Variants in GUCY1A2 observed in about 807,000 individuals in gnomAD.
GUCY1A2 encodes guanylate cyclase 1 soluble subunit alpha 2, also known as guanylate cyclase soluble subunit alpha-2.
In GUCY1A2, 27 loss-of-function variants were observed where a neutral mutation model predicts 63.5. That is an observed-to-expected ratio of 0.43 (90% CI 0.31 to 0.59). The LOEUF is 0.59. Among genes scored for constraint, GUCY1A2 ranks in the 20% least tolerant of loss-of-function variants. The pLI, the probability that GUCY1A2 is intolerant of heterozygous loss-of-function variation, is 0.11. For missense variants in GUCY1A2, 768 were observed against 913.3 expected, an observed-to-expected ratio of 0.84 and a Z score of 2.05; for synonymous variants, 364 against 343.5, an observed-to-expected ratio of 1.06 and a Z score of -0.66.
intron 4 of GUCY1A2, among the ~76,000 whole-genome samples, chr11:106,882,072 C>A (rs1859831611): frequency 6.6e-6 from 1 of 151,640 alleles, no homozygotes; most frequent in African/African-American, 2.4e-5. Flanking sequence ...TTCTTTTCTT[C>A]TCCTTCCTTC....
At chr11:106,845,640 A>T (rs935006745) in intron 4 of GUCY1A2, among the ~76,000 whole-genome samples, 5 of 151,568 alleles carry the variant, frequency 3.3e-5, no homozygotes, top group African/African-American at 1.2e-4. Context: ...TATCTACCAG[A>T]TAGTTTTAAA....
At chr11:106,849,228 A>G (rs1859318838) in intron 4 of GUCY1A2, among the ~76,000 whole-genome samples, 1 of 151,558 alleles carries the variant, frequency 6.6e-6, no homozygotes, top group Non-Finnish European at 1.5e-5. Flanking sequence ...CTTATTAATT[A>G]GCTCATATAT....
chr11:106,844,745 A>C (rs770057899), intron 4 of GUCY1A2, among the ~76,000 whole-genome samples: 1 of 151,710 alleles, frequency 6.6e-6, no homozygotes, highest in African/African-American at 2.4e-5. Flanking sequence ...GTTTTGTTTA[A>C]TATCTTGCCA....
chr11:106,707,145 G>A lies in GUCY1A2; in HGVS notation c.1991+1367C>T, dbSNP rs567183959. ...GGTATCCACTACTTTAATGAGCTTA[G>A]CAAGAGCTTTAAAATGTATTTTTAA... On this transcript the variant is annotated intron_variant, in intron 7 of 7. Transcript: ENST00000526355. 3.7e-4 allele frequency among the ~76,000 whole-genome samples: 57 copies of A among 152,082 alleles called. No individual in the cohort carries two copies. In the East Asian group the frequency reaches 0.011, roughly 29 times the overall value.
At chr11:106,775,700 G>A (rs900504894) in intron 6 of GUCY1A2, among the ~76,000 whole-genome samples, 9 of 12,842 alleles carry the variant, frequency 7.0e-4, no homozygotes, top group East Asian at 4.6e-3. Flanking sequence ...CCGCCCCCCC[G>A]CCCCCGTGTT....
intron 4 of GUCY1A2, among the ~76,000 whole-genome samples, chr11:106,934,099 T>C (rs1350657503): frequency 3.3e-5 from 5 of 152,134 alleles, no homozygotes; most frequent in African/African-American, 7.2e-5. Context: ...TAGATGAAGT[T>C]CAAATTATTA....
chr11:106,707,141 C>T (rs909036912), intron 7 of GUCY1A2, among the ~76,000 whole-genome samples: 2 of 152,072 alleles, frequency 1.3e-5, no homozygotes, highest in African/African-American at 2.4e-5. Context: ...CTTTAATGAG[C>T]TTAGCAAGAG....
intron 6 of GUCY1A2, among the ~76,000 whole-genome samples, chr11:106,733,540 T>C (rs928502430): frequency 6.6e-6 from 1 of 152,170 alleles, no homozygotes; most frequent in African/African-American, 2.4e-5. Context: ...ATAAAGTAAT[T>C]ACTTTTTATT....
intron 7 of GUCY1A2, among the ~76,000 whole-genome samples, chr11:106,696,605 ATAGT>A (rs1418292369): frequency 2.6e-5 from 4 of 152,194 alleles, no homozygotes; most frequent in South Asian, 2.1e-4. Flanking sequence ...CCAATCAGAA[ATAGT>A]TAGCCTAAAT....
At position 106,831,688 on chromosome 11, in the gene GUCY1A2, C is replaced by T. The variant is rs538592300; in HGVS notation, c.1207-21210G>A. 2.1e-4 allele frequency among the ~76,000 whole-genome samples: 32 copies of T among 152,324 alleles called. No homozygotes were observed. The East Asian group carries it at 5.8e-3, about 28-fold the overall frequency. On this transcript the variant is annotated intron_variant, in intron 4 of 7. Transcript: ENST00000526355. ...AATCACAAGATAGGAGACTGGATTC[C>T]ACAGTCTCTCTCGCAGCAGGGCTGC... is the stretch of plus-strand genomic sequence containing the variant.
chr11:106,803,804 G>A lies in GUCY1A2; in HGVS notation c.1692+6189C>T, dbSNP rs960095964. On this transcript the variant is annotated intron_variant, in intron 5 of 7. Coordinates refer to ENST00000526355, the MANE Select transcript of GUCY1A2 (RefSeq NM_000855.3). ...ACTAGTGCACTCAAGATAGCACTGG[G>A]ATTCCACAGCCTTGTCTGAATGGAT... Among the ~76,000 whole-genome samples the A allele has an allele frequency of 9.2e-5, 14 of 152,210 alleles. No individual in the cohort carries two copies. In the East Asian group the frequency reaches 2.7e-3, roughly 29 times the overall value.
At chr11:106,997,393 A>G (rs1279909873) in intron 1 of GUCY1A2, among the ~76,000 whole-genome samples, 1 of 152,150 alleles carries the variant, frequency 6.6e-6, no homozygotes, top group African/African-American at 2.4e-5. Context: ...AGAAGCCCAG[A>G]GCATACAAAC....
chr11:106,880,407 T>C (rs1859807845), intron 4 of GUCY1A2, among the ~76,000 whole-genome samples: 1 of 151,940 alleles, frequency 6.6e-6, no homozygotes, highest in Non-Finnish European at 1.5e-5. Context: ...GTAGTGGTTC[T>C]CCTGTCCAGC....
intron 7 of GUCY1A2, among the ~76,000 whole-genome samples, chr11:106,689,918 C>T (rs938714383): frequency 2.7e-5 from 4 of 150,828 alleles, no homozygotes; most frequent in African/African-American, 4.9e-5. Flanking sequence ...TCACTTGAAC[C>T]GGGAGGTGGA....
chr11:106,834,493 C>T (rs1859091725), intron 4 of GUCY1A2, among the ~76,000 whole-genome samples: 2 of 151,910 alleles, frequency 1.3e-5, no homozygotes, highest in African/African-American at 4.8e-5. Flanking sequence ...CTAAAGTATT[C>T]CAGTTTGGCT....
chr11:106,729,960 G>A (rs1261519992), intron 6 of GUCY1A2, among the ~76,000 whole-genome samples: 1 of 150,178 alleles, frequency 6.7e-6, no homozygotes, highest in East Asian at 1.9e-4. Flanking sequence ...AAAAATTAGA[G>A]TCTATTTTCT....
chr11:106,875,165 T>C (rs895157689), intron 4 of GUCY1A2, among the ~76,000 whole-genome samples: 6 of 152,172 alleles, frequency 3.9e-5, no homozygotes, highest in African/African-American at 1.4e-4. Context: ...AACAGTATCA[T>C]ATTTGAAGAG....
intron 5 of GUCY1A2, among the ~76,000 whole-genome samples, chr11:106,804,325 G>C (rs1335893636): frequency 6.6e-6 from 1 of 152,198 alleles, no homozygotes; most frequent in Non-Finnish European, 1.5e-5. Context: ...AATTTAAAAA[G>C]TGTGTGCACT....
At chr11:106,749,256 A>C (rs1416916657) in intron 6 of GUCY1A2, among the ~76,000 whole-genome samples, 4 of 152,074 alleles carry the variant, frequency 2.6e-5, no homozygotes, top group African/African-American at 9.7e-5. Context: ...TTAATGATTC[A>C]TTTCTCAGAT....
Sources: gnomAD v4.1 joint callset for allele counts (sites outside exome capture counted in the v4.1 genomes callset) on GRCh38, gnomAD v4.1.1 for gene constraint, MANE v1.5 for transcripts, NCBI Gene and HGNC (gene_info 2026-07-23, HGNC 2026-07-21) for gene names.